The following APBB2 variants were observed in gnomAD, a reference collection of about 807,000 sequenced individuals.
APBB2 encodes the protein Fe65-like 1.
APBB2 carries 38 observed loss-of-function variants against 82.5 expected under a neutral mutation model. That is an observed-to-expected ratio of 0.46 (90% CI 0.36 to 0.60). APBB2 has a LOEUF of 0.60. Among genes scored for constraint, APBB2 ranks in the 20% least tolerant of loss-of-function variants. The probability of loss-of-function intolerance (pLI) is 0.00; values close to 1 mark genes in which losing one functional copy is unlikely to be tolerated. For missense variants in APBB2, 772 were observed against 972.3 expected (o/e 0.79, Z 2.74); for synonymous variants, 341 against 368.2 (o/e 0.93, Z 0.85).
chr4:41,169,435 T>A (rs995351048), intron 1 of APBB2, among the ~76,000 whole-genome samples: 1 of 152,200 alleles, frequency 6.6e-6, no homozygotes, highest in African/African-American at 2.4e-5. Flanking sequence ...CTGGAAGGTT[T>A]CCTTCCTTCA....
intron 6 of APBB2, among the ~76,000 whole-genome samples, chr4:40,989,068 T>A (rs1801271242): frequency 6.6e-6 from 1 of 152,124 alleles, no homozygotes; most frequent in African/African-American, 2.4e-5. Context: ...CCCAGAGTAC[T>A]TTTTTTCTAG....
intron 12 of APBB2, among the ~76,000 whole-genome samples, chr4:40,872,905 G>A (rs1211445689): frequency 6.6e-6 from 1 of 151,924 alleles, no homozygotes; most frequent in Non-Finnish European, 1.5e-5. Context: ...GGCCAACATG[G>A]TGAATGCCCA....
At chr4:41,080,108 A>G (rs1298846657) in intron 3 of APBB2, among the ~76,000 whole-genome samples, 2 of 152,196 alleles carry the variant, frequency 1.3e-5, no homozygotes, top group Admixed American at 6.5e-5. Context: ...TTTGAAAACC[A>G]GTGGTCAGGA....
chr4:40,871,741 C>G (rs1220676762), intron 12 of APBB2, among the ~76,000 whole-genome samples: 5 of 152,166 alleles, frequency 3.3e-5, no homozygotes, highest in African/African-American at 1.2e-4. Flanking sequence ...AAAACATGCA[C>G]AGAGTTCTGA....
chr4:41,048,164 C>CA (rs1229182350), intron 4 of APBB2, among the ~76,000 whole-genome samples: 3 of 152,142 alleles, frequency 2.0e-5, no homozygotes, highest in Non-Finnish European at 4.4e-5. Flanking sequence ...ATCCCAAATC[C>CA]AAAAATCTGA....
chr4:40,869,582 T>C (rs1764909243), intron 12 of APBB2, among the ~76,000 whole-genome samples: 1 of 151,852 alleles, frequency 6.6e-6, no homozygotes, highest in Admixed American at 6.6e-5. Flanking sequence ...GGTGAGACCC[T>C]GTCTCCAAAG....
At chr4:41,067,391 G>A (rs1292314203) in intron 3 of APBB2, among the ~76,000 whole-genome samples, 1 of 150,108 alleles carries the variant, frequency 6.7e-6, no homozygotes, top group African/African-American at 2.5e-5. Flanking sequence ...AGCCTGGGCA[G>A]CAAGAGTGAA....
At chr4:41,134,083 A>G (rs931126553) in intron 2 of APBB2, among the ~76,000 whole-genome samples, 11 of 151,858 alleles carry the variant, frequency 7.2e-5, no homozygotes, top group Admixed American at 6.6e-4. Context: ...TGGTCCACCC[A>G]CCTCTGCCTC....
At chr4:40,971,130 T>C (rs916145559) in intron 6 of APBB2, among the ~76,000 whole-genome samples, 3 of 152,216 alleles carry the variant, frequency 2.0e-5, no homozygotes, top group East Asian at 1.9e-4. Flanking sequence ...CATCTTCTTA[T>C]TGCTCAGTAG....
chr4:41,149,253 G>A (rs1296622638), intron 1 of APBB2, among the ~76,000 whole-genome samples: 4 of 151,574 alleles, frequency 2.6e-5, no homozygotes, highest in African/African-American at 7.3e-5. Flanking sequence ...TATTTTAGAA[G>A]TATTTCCTGT....
At chr4:40,945,752 A>G (rs1299393056) in intron 6 of APBB2, among the ~76,000 whole-genome samples, 1 of 152,134 alleles carries the variant, frequency 6.6e-6, no homozygotes, top group Non-Finnish European at 1.5e-5. Context: ...AGCTGGGACT[A>G]CAGGCGCTTG....
intron 10 of APBB2, among the ~76,000 whole-genome samples, chr4:40,926,632 A>G (rs1782675256): frequency 6.6e-6 from 1 of 152,152 alleles, no homozygotes; most frequent in Admixed American, 6.5e-5. Context: ...TTGTGTCTTT[A>G]GTAGGTACAA....
intron 3 of APBB2, among the ~76,000 whole-genome samples, chr4:41,071,093 C>A (rs1030507566): frequency 3.3e-5 from 5 of 152,164 alleles, no homozygotes; most frequent in African/African-American, 1.2e-4. Context: ...AGAATTCTCT[C>A]CAAAGTAAAC....
chr4:40,922,113 T>C (rs1042921203), intron 10 of APBB2, among the ~76,000 whole-genome samples: 4 of 152,204 alleles, frequency 2.6e-5, no homozygotes, highest in African/African-American at 9.7e-5. Flanking sequence ...CTCCTAAAGC[T>C]AAGTGAAATT....
intron 6 of APBB2, among the ~76,000 whole-genome samples, chr4:41,009,172 T>A (rs1009636577): frequency 1.4e-4 from 21 of 151,588 alleles, no homozygotes; most frequent in African/African-American, 4.9e-4. Flanking sequence ...CAACAGGTAT[T>A]TATTTATCTG....
intron 3 of APBB2, among the ~76,000 whole-genome samples, chr4:41,079,762 T>C (rs1736913348): frequency 6.6e-6 from 1 of 152,178 alleles, no homozygotes; most frequent in Non-Finnish European, 1.5e-5. Flanking sequence ...TTGTCCAGGA[T>C]GGTCTCGATC....
intron 3 of APBB2, among the ~76,000 whole-genome samples, chr4:41,072,553 A>G (rs1312602961): frequency 6.6e-6 from 1 of 152,200 alleles, no homozygotes; most frequent in South Asian, 2.1e-4. Flanking sequence ...ATAAGATCTG[A>G]AGGGCACAGG....
At chr4:41,021,482 A>C (rs1227609487) in intron 5 of APBB2, among the ~76,000 whole-genome samples, 1 of 152,188 alleles carries the variant, frequency 6.6e-6, no homozygotes, top group Non-Finnish European at 1.5e-5. Context: ...GTCTAGCTAA[A>C]GGATTGTAAA....
At chr4:41,188,450 G>A (rs1001187474) in intron 1 of APBB2, among the ~76,000 whole-genome samples, 1 of 152,146 alleles carries the variant, frequency 6.6e-6, no homozygotes, top group African/African-American at 2.4e-5. Flanking sequence ...TAGATCACGA[G>A]GGTACAGCCC....
Sources: allele counts gnomAD v4.1 joint callset (sites outside exome capture counted in the v4.1 genomes callset), GRCh38; gene constraint gnomAD v4.1.1; transcripts MANE v1.5; gene names NCBI Gene and HGNC (gene_info 2026-07-23, HGNC 2026-07-21).